LIN52: variants seen among roughly 807,000 people sequenced by gnomAD.
The protein encoded by LIN52 is lin-52 DREAM MuvB core complex component.
LIN52 carries 4 observed loss-of-function variants against 18.5 expected under a neutral mutation model. The observed-to-expected ratio is 0.22, with a 90% CI of 0.11 to 0.49. The LOEUF (loss-of-function observed/expected upper bound fraction) is 0.49. Among genes scored for constraint, LIN52 ranks in the 20% least tolerant of loss-of-function variants. The pLI is 0.97. For missense variants in LIN52, 102 were observed against 139.5 expected (o/e 0.73, Z 1.35); for synonymous variants, 34 against 45.5 (o/e 0.75, Z 1.02).
chr14:74,181,107 C>CAAAA (rs149099646), intron 5 of LIN52, among the ~76,000 whole-genome samples: 1 of 96,116 alleles, frequency 1.0e-5, no homozygotes, highest in Non-Finnish European at 2.0e-5. Flanking sequence ...GACTCTGTCT[C>CAAAA]AAAAAAAAAA....
chr14:74,152,959 CAAAAAAAAAAAAA>C lies in LIN52; in HGVS notation c.284-45952_284-45940del, dbSNP rs1189515836. On this transcript the variant is annotated intron_variant, in intron 5 of 5. Transcript: ENST00000555028. Reference sequence around the variant, plus strand: ...GGGGCAACAAAGCAAGACTCTGTCTCAAAAAAAAAAAAAAAAAAAAAAAGCCAGGACCATAGAT... The same window carrying C: ...GGGGCAACAAAGCAAGACTCTGTCTCAAAAAAAAAAGCCAGGACCATAGAT... Among the ~76,000 whole-genome samples the C allele has an allele frequency of 7.2e-5, 3 of 41,556 alleles. No individual in the cohort carries two copies. In the South Asian group the frequency reaches 2.5e-3, roughly 34 times the overall value. The allele number at this position is 41,556 out of a possible 152,430, so 27.3% of individuals were successfully genotyped here.
intron 2 of LIN52, 77 bp from the exon 3 acceptor site, chr14:74,095,871 G>A (rs1325757953): frequency 4.4e-6 from 4 of 901,332 alleles, no homozygotes; most frequent in Non-Finnish European, 6.9e-6. Flanking sequence ...AGACAAAGCT[G>A]TTTTCTTATT....
intron 2 of LIN52, among the ~76,000 whole-genome samples, chr14:74,094,863 G>A (rs1490529514): frequency 2.6e-5 from 4 of 151,946 alleles, no homozygotes; most frequent in Non-Finnish European, 5.9e-5. Context: ...GAATAGCTGG[G>A]ACTACAGGCA....
intron 5 of LIN52, among the ~76,000 whole-genome samples, chr14:74,141,665 A>T (rs1041775574): frequency 6.6e-6 from 1 of 152,212 alleles, no homozygotes; most frequent in African/African-American, 2.4e-5. Context: ...GAGTCTTGTC[A>T]TGCATCATTA....
At chr14:74,173,929 T>C (rs777357485) in intron 5 of LIN52, among the ~76,000 whole-genome samples, 39 of 152,256 alleles carry the variant, frequency 2.6e-4, no homozygotes, top group Non-Finnish European at 4.1e-4. Flanking sequence ...CAGGGCAAGC[T>C]TCCTTTGTGC....
chr14:74,150,681 T>G (rs538113389), intron 5 of LIN52, among the ~76,000 whole-genome samples: 45 of 152,312 alleles, frequency 3.0e-4, no homozygotes, highest in African/African-American at 1.1e-3. Flanking sequence ...AAAAAAAATT[T>G]AAAGACAAAT....
chr14:74,107,007 C>T (rs548833238), intron 5 of LIN52, among the ~76,000 whole-genome samples: 1 of 152,348 alleles, frequency 6.6e-6, no homozygotes, highest in East Asian at 1.9e-4. Context: ...ATTCAAAATC[C>T]TTTGCATTCT....
intron 5 of LIN52, among the ~76,000 whole-genome samples, chr14:74,139,611 A>C (rs2061117778): frequency 6.6e-6 from 1 of 152,092 alleles, no homozygotes; most frequent in Admixed American, 6.5e-5. Flanking sequence ...TTTCATCTTC[A>C]GGGAACAAGC....
intron 5 of LIN52, among the ~76,000 whole-genome samples, chr14:74,186,784 T>A (rs942301457): frequency 6.6e-6 from 1 of 151,542 alleles, no homozygotes; most frequent in Non-Finnish European, 1.5e-5. Flanking sequence ...GATCACAAGG[T>A]CAGGAGATTT....
At chr14:74,128,220 G>A (rs977434827) in intron 5 of LIN52, among the ~76,000 whole-genome samples, 2 of 152,182 alleles carry the variant, frequency 1.3e-5, no homozygotes, top group African/African-American at 4.8e-5. Context: ...CCCAGGCAGA[G>A]GCTGGTGGGC....
At chr14:74,198,268 A>G (rs17098219) in intron 5 of LIN52, among the ~76,000 whole-genome samples, 2,459 of 152,308 alleles carry the variant, frequency 0.016, 66 homozygotes, top group African/African-American at 0.055. Flanking sequence ...ACTTGTAACT[A>G]TAGCATTCAA....
At chr14:74,114,593 TAAC>T (rs369626893) in intron 5 of LIN52, among the ~76,000 whole-genome samples, 7 of 152,170 alleles carry the variant, frequency 4.6e-5, no homozygotes, top group African/African-American at 1.4e-4. Context: ...GATGCCTGCT[TAAC>T]AACAACAACA....
Position 74,165,513 on chromosome 14 carries a change from C to CTTTTTTTTTTTTTTTTTTTTTTT in LIN52, c.284-33394_284-33393insTTTTTTTTTTTTTTTTTTTTTTT, listed in dbSNP as rs71460962. On this transcript the variant is annotated intron_variant, in intron 5 of 5. Transcript: ENST00000555028. ...AATGGAGAATTACAGGTTTTCTTTT[C>CTTTTTTTTTTTTTTTTTTTTTTT]TTTTTTTTTTTTTTTGAGACAGAGT... is the stretch of plus-strand genomic sequence containing the variant. 4.5e-5 allele frequency among the ~76,000 whole-genome samples: 5 copies of CTTTTTTTTTTTTTTTTTTTTTTT among 110,224 alleles called. 2 individuals are homozygous for CTTTTTTTTTTTTTTTTTTTTTTT. The highest frequency in any genetic ancestry group is 1.9e-4 in the Admixed American group (2 of 10,444). 72.3% of individuals were successfully genotyped at this position (110,224 alleles called of 152,430 possible).
Position 74,101,210 on chromosome 14 carries a change from C to A in LIN52, c.255C>A (p.Asn85Lys). The change falls in exon 5 of 6, where the codon AAC becomes AAA. Residue 85 changes from asparagine to lysine, a missense_variant. Asn to Lys is a moderately conservative substitution (Grantham distance 94). Transcript: ENST00000555028. ...NLMEKVRGLQ[N>K]LAYQLGLDES... is the part of the protein sequence containing the mutation. The stretch of plus-strand genomic sequence containing the variant: ...TGGAGAAGGTTCGAGGCCTACAGAA[C>A]CTAGCCTATCAGCTGGGGCTGGATG... The A allele has an allele frequency of 6.2e-7, 1 of 1,610,710 alleles. No homozygotes were observed. The highest frequency in any genetic ancestry group is 8.5e-7 in the Non-Finnish European group (1 of 1,178,916).
chr14:74,117,278 C>T (rs867052008), intron 5 of LIN52, among the ~76,000 whole-genome samples: 1 of 152,092 alleles, frequency 6.6e-6, no homozygotes, highest in Non-Finnish European at 1.5e-5. Flanking sequence ...ATTTAGTTGG[C>T]CAAAGAAGCA....
At chr14:74,102,742 C>T (rs1382660483) in intron 5 of LIN52, among the ~76,000 whole-genome samples, 3 of 152,092 alleles carry the variant, frequency 2.0e-5, no homozygotes, top group Admixed American at 6.5e-5. Flanking sequence ...TTTGTTATAT[C>T]AAGAAGATGC....
chr14:74,122,923 G>A (rs918016256), intron 5 of LIN52, among the ~76,000 whole-genome samples: 5 of 151,996 alleles, frequency 3.3e-5, no homozygotes, highest in Admixed American at 3.3e-4. Context: ...TGACCTAGTG[G>A]ACCCCCAAAA....
chr14:74,101,267 GGTGTATTCCACCCTGAGCT>G (rs762896596), intron 5 of LIN52, 29 bp downstream of exon 5: 51 of 1,538,374 alleles, frequency 3.3e-5, no homozygotes, highest in South Asian at 1.3e-4. Context: ...TTTGTTCAGG[GGTGTATTCCACCCTGAGCT>G]GTGTATTCCA....
chr14:74,159,339 G>A (rs1453003179), intron 5 of LIN52, among the ~76,000 whole-genome samples: 1 of 152,036 alleles, frequency 6.6e-6, no homozygotes, highest in East Asian at 1.9e-4. Flanking sequence ...CTTTCCTAAA[G>A]CTTTCTGGTG....
Sources: allele counts gnomAD v4.1 joint callset (sites outside exome capture counted in the v4.1 genomes callset), GRCh38; gene constraint gnomAD v4.1.1; transcripts MANE v1.5; gene names NCBI Gene and HGNC (gene_info 2026-07-23, HGNC 2026-07-21).